ANKRD30A: variants seen among roughly 807,000 people sequenced by gnomAD.
ANKRD30A encodes ankyrin repeat domain-containing protein 30A.
In ANKRD30A, 170 loss-of-function variants were observed where a neutral mutation model predicts 166.3. That is an observed-to-expected ratio of 1.02 (90% CI 0.90 to 1.16). ANKRD30A has a LOEUF of 1.16. Among genes scored for constraint, ANKRD30A ranks in the 50% most tolerant of loss-of-function variants. The probability of loss-of-function intolerance (pLI) is 0.00; values close to 1 mark genes in which losing one functional copy is unlikely to be tolerated. For missense variants in ANKRD30A, 1,630 were observed against 1,518.0 expected (o/e 1.07, Z -1.23); for synonymous variants, 564 against 508.9 (o/e 1.11, Z -1.46).
chr10:37,264,331 A>G, the ANKRD30A span, among the ~76,000 whole-genome samples: 3 of 152,310 alleles, frequency 2.0e-5, no homozygotes, highest in African/African-American at 4.8e-5. Context: ...CTTTGGGGAC[A>G]CTCATTACTT....
intron 31 of ANKRD30A, among the ~76,000 whole-genome samples, chr10:37,204,227 A>G (rs1841837902): frequency 6.6e-6 from 1 of 152,206 alleles, no homozygotes; most frequent in African/African-American, 2.4e-5. Flanking sequence ...ACACTACCTG[A>G]CTTCAAACTA....
At chr10:37,161,041 T>G (rs559575155) in intron 15 of ANKRD30A, among the ~76,000 whole-genome samples, 92 of 152,242 alleles carry the variant, frequency 6.0e-4, no homozygotes, top group East Asian at 5.8e-4. Flanking sequence ...ATCACGAGGT[T>G]AGGAGATCGA....
chr10:37,144,918 A>C lies in ANKRD30A; in HGVS notation c.1394-77A>C, dbSNP rs1837391688. On this transcript the variant is annotated intron_variant, in intron 7 of 35. Transcript: ENST00000361713. The stretch of plus-strand genomic sequence containing the variant: ...AGTAAGTCCACAGATTCATGAATGA[A>C]AATAGATTTGTATATGTTTTAAAAA... The C allele has an allele frequency of 1.3e-5, 15 of 1,118,706 alleles. No homozygotes were observed. The South Asian group carries it at 2.2e-4, about 17-fold the overall frequency. The allele number at this position is 1,118,706 out of a possible 1,614,324, so 69.3% of individuals were successfully genotyped here. A position where few individuals can be genotyped will look rare whatever the true frequency, so the allele number is the denominator to read the frequency against.
intron 8 of ANKRD30A, among the ~76,000 whole-genome samples, chr10:37,145,575 T>C (rs2132541997): frequency 6.6e-6 from 1 of 152,390 alleles, no homozygotes; most frequent in South Asian, 2.1e-4. Flanking sequence ...TTTTCAGAAT[T>C]AGTTTCAGAC....
In ANKRD30A at chr10:37,190,918, G is replaced by A. The variant is rs560658034; in HGVS notation, c.2512+1361G>A. 1.3e-5 allele frequency among the ~76,000 whole-genome samples: 2 copies of A among 151,774 alleles called. 1 individual carries two copies. Among genetic ancestry groups the A allele is most frequent in the African/African-American group, 4.8e-5 (2 of 41,300 alleles). On this transcript the variant is annotated intron_variant, in intron 25 of 35. Coordinates refer to ENST00000361713, the MANE Select transcript of ANKRD30A (RefSeq NM_052997.3). ...GTAAGAACCTTGGCTTTATTTTTAAGGAAGCAAATTGTGTTGGTAAAATTG... is the reference window on the plus strand; with the variant it reads ...GTAAGAACCTTGGCTTTATTTTTAAAGAAGCAAATTGTGTTGGTAAAATTG...
intron 31 of ANKRD30A, among the ~76,000 whole-genome samples, chr10:37,207,593 T>A (rs904849114): frequency 6.6e-6 from 1 of 151,932 alleles, no homozygotes; most frequent in Non-Finnish European, 1.5e-5. Context: ...CTTTTTTTTT[T>A]AACTTGTGAA....
the ANKRD30A span, among the ~76,000 whole-genome samples, chr10:37,254,688 T>C: frequency 3.4e-3 from 491 of 144,904 alleles, 3 homozygotes; most frequent in African/African-American, 0.01. Flanking sequence ...CTTTTCTTTT[T>C]TTTTTTTTTT....
At chr10:37,190,010 C>G (rs1176998970) in intron 25 of ANKRD30A, among the ~76,000 whole-genome samples, 1 of 151,782 alleles carries the variant, frequency 6.6e-6, no homozygotes, top group East Asian at 1.9e-4. Flanking sequence ...AGAATTACAG[C>G]AAAAATATTC....
the ANKRD30A span, chr10:37,242,075 C>T: frequency 1.1e-3 from 168 of 152,148 alleles, no homozygotes; most frequent in African/African-American, 3.9e-3. Context: ...TATAATATTC[C>T]TTGTTGCAAA....
At chr10:37,160,835 T>C (rs1032646380) in intron 15 of ANKRD30A, among the ~76,000 whole-genome samples, 1 of 152,232 alleles carries the variant, frequency 6.6e-6, no homozygotes, top group African/African-American at 2.4e-5. Context: ...TCAGAAGATA[T>C]TGATGCCTTG....
downstream of ANKRD30A, among the ~76,000 whole-genome samples, chr10:37,234,952 CCA>C (rs1564607473): frequency 6.6e-6 from 1 of 152,058 alleles, no homozygotes; most frequent in Admixed American, 6.6e-5. Flanking sequence ...TGCGCTTTTT[CCA>C]CAGTGTTGAG....
downstream of ANKRD30A, among the ~76,000 whole-genome samples, chr10:37,235,800 C>T (rs1428037826): frequency 2.3e-5 from 3 of 132,834 alleles, no homozygotes; most frequent in Non-Finnish European, 1.5e-5. Flanking sequence ...GGCAGAATCT[C>T]GCTCTGTCAC....
chr10:37,141,845 G>T lies in ANKRD30A; in HGVS notation c.948G>T (p.Thr316=). The T allele has an allele frequency of 6.2e-7, 1 of 1,613,384 alleles. No individual in the cohort carries two copies. Among genetic ancestry groups the T allele is most frequent in the Non-Finnish European group, 8.5e-7 (1 of 1,179,762 alleles). ...AAPLVERTPD[T]AESLVEKTPD... ...CCTTGGTGGAAAGAACACCTGACAC[G>T]GCTGAAAGCTTGGTGGAAAAAACAC... Residue 316 remains threonine (T), a synonymous_variant, in exon 7 of 36, where the codon ACG becomes ACT. Coordinates refer to ENST00000361713, the MANE Select transcript of ANKRD30A (RefSeq NM_052997.3).
chr10:37,207,950 A>G (rs1287186813), intron 31 of ANKRD30A, among the ~76,000 whole-genome samples: 1 of 152,180 alleles, frequency 6.6e-6, no homozygotes, highest in Non-Finnish European at 1.5e-5. Flanking sequence ...ATAGTAAAAT[A>G]TTAATTCCTG....
chr10:37,155,193 A>G (rs4989785), intron 13 of ANKRD30A, among the ~76,000 whole-genome samples: 8 of 152,200 alleles, frequency 5.3e-5, no homozygotes, highest in African/African-American at 9.6e-5. Context: ...TTAAAAGTCT[A>G]TTGCAACTAA....
At chr10:37,151,192 C>G (rs1414859534) in intron 11 of ANKRD30A, among the ~76,000 whole-genome samples, 2 of 152,064 alleles carry the variant, frequency 1.3e-5, no homozygotes, top group African/African-American at 4.8e-5. Context: ...TTTTCCTCAA[C>G]CTGATTCAAA....
chr10:37,208,790 A>C lies in ANKRD30A; in HGVS notation c.2870-7391A>C, dbSNP rs866990197. On this transcript the variant is annotated intron_variant, in intron 31 of 35. Coordinates refer to ENST00000361713, the MANE Select transcript of ANKRD30A (RefSeq NM_052997.3). ...GGTGATAACATGTCTCAAGCAAGTGAAAGTAAACTTAAATAGAAGAAGTGA... is the reference window on the plus strand; with the variant it reads ...GGTGATAACATGTCTCAAGCAAGTGCAAGTAAACTTAAATAGAAGAAGTGA... Among the ~76,000 whole-genome samples the C allele has an allele frequency of 1.1e-4, 16 of 152,186 alleles. 1 individual carries two copies. Among genetic ancestry groups the C allele is most frequent in the Admixed American group, 7.9e-4 (12 of 15,258 alleles).
At chr10:37,244,110 A>C in the ANKRD30A span, among the ~76,000 whole-genome samples, 3 of 152,144 alleles carry the variant, frequency 2.0e-5, no homozygotes, top group Non-Finnish European at 1.5e-5. Context: ...TGCTTATTGC[A>C]GTTCAGGTTT....
chr10:37,129,474 A>G (rs1164485679), intron 1 of ANKRD30A, among the ~76,000 whole-genome samples: 1 of 152,192 alleles, frequency 6.6e-6, no homozygotes, highest in Non-Finnish European at 1.5e-5. Flanking sequence ...ATACCTAACA[A>G]TTACTGAGCT....
Sources: allele counts gnomAD v4.1 joint callset (sites outside exome capture counted in the v4.1 genomes callset), GRCh38; gene constraint gnomAD v4.1.1; transcripts MANE v1.5; gene names NCBI Gene and HGNC (gene_info 2026-07-23, HGNC 2026-07-21).